Variants in RBFOX1 observed in about 807,000 individuals in gnomAD.
RBFOX1 encodes the protein RNA binding protein fox-1 homolog 1.
RBFOX1 carries 8 observed loss-of-function variants against 57.7 expected under a neutral mutation model. The observed-to-expected ratio is 0.14, with a 90% CI of 0.08 to 0.25. The LOEUF (loss-of-function observed/expected upper bound fraction) is 0.25. RBFOX1 is among the 10% of genes least tolerant of loss of function. The pLI is 1.00. For synonymous variants in RBFOX1, 326 were observed against 222.4 expected (o/e 1.47, Z -4.15); for missense variants, 611 against 548.5 (o/e 1.11, Z -1.14).
chr16:7,234,588 A>ATGTGTGTG (rs138784510), intron 4 of RBFOX1, among the ~76,000 whole-genome samples: 20 of 141,808 alleles, frequency 1.4e-4, no homozygotes, highest in African/African-American at 4.7e-4. Flanking sequence ...GTGTATACAT[A>ATGTGTGTG]TGTGTGTGTG....
intron 5 of RBFOX1, among the ~76,000 whole-genome samples, chr16:7,567,175 C>CCCTATATATATATATCCATATATATAT (rs2091916215): frequency 2.0e-5 from 3 of 146,602 alleles, no homozygotes; most frequent in Non-Finnish European, 4.5e-5. Context: ...ATATATATAT[C>CCCTATATATATATATCCATATATATAT]CCTATATAAA....
chr16:7,139,761 T>G lies in RBFOX1; in HGVS notation c.27+87663T>G, dbSNP rs1394554077. Among the ~76,000 whole-genome samples the G allele has an allele frequency of 4.7e-5, 7 of 149,192 alleles. No individual in the cohort carries two copies. In the Admixed American group the frequency reaches 4.7e-4, roughly 10 times the overall value. On this transcript the variant is annotated intron_variant, in intron 4 of 15. Coordinates refer to ENST00000550418, the MANE Select transcript of RBFOX1 (RefSeq NM_018723.4). The stretch of plus-strand genomic sequence containing the variant: ...ACTGAGAAATACATTGATTGGATTC[T>G]TTTTTTTTTAAGTTCATCGGTGAGC...
chr16:6,729,968 G>A (rs78111278), intron 3 of RBFOX1, among the ~76,000 whole-genome samples: 2 of 152,150 alleles, frequency 1.3e-5, no homozygotes, highest in East Asian at 1.9e-4. Flanking sequence ...CTCAGATCCT[G>A]ATGCCAACAA....
At chr16:5,426,615 C>G (rs972762915) in intron 1 of RBFOX1, among the ~76,000 whole-genome samples, 3 of 152,190 alleles carry the variant, frequency 2.0e-5, no homozygotes, top group Non-Finnish European at 4.4e-5. Context: ...CTGCTCAGCA[C>G]TTAATCCGGA....
chr16:6,852,549 C>T (rs557743796), intron 3 of RBFOX1, among the ~76,000 whole-genome samples: 6 of 152,334 alleles, frequency 3.9e-5, no homozygotes, highest in East Asian at 1.9e-4. Context: ...TGGCGAGATA[C>T]ATGGTGGCAA....
intron 1 of RBFOX1, among the ~76,000 whole-genome samples, chr16:5,368,379 C>T (rs115762658): frequency 5.3e-4 from 81 of 152,284 alleles, no homozygotes; most frequent in African/African-American, 1.3e-3. Flanking sequence ...TCTGCAATGT[C>T]GGGGCACCTA....
rs115442617 is a variant in RBFOX1 at position 7,192,860 on chromosome 16, C to T, written c.27+140762C>T. Among the ~76,000 whole-genome samples, 828 of 152,148 alleles carry T rather than the reference C, an allele frequency of 5.4e-3. 5 individuals are homozygous for T. Among genetic ancestry groups the T allele is most frequent in the African/African-American group, 0.019 (781 of 41,506 alleles). ...ACACACTAATACGGAAGATGAAGTCCGAGGATCATGTGCTTACAACATTGT... is the reference window on the plus strand; with the variant it reads ...ACACACTAATACGGAAGATGAAGTCTGAGGATCATGTGCTTACAACATTGT... On this transcript the variant is annotated intron_variant, in intron 4 of 15. Transcript: ENST00000550418.
At chr16:6,451,502 T>G (rs539414226) in intron 2 of RBFOX1, among the ~76,000 whole-genome samples, 1 of 152,286 alleles carries the variant, frequency 6.6e-6, no homozygotes, top group East Asian at 1.9e-4. Context: ...GCTCAACACT[T>G]CCACCTGTCA....
chr16:7,076,066 C>T lies in RBFOX1; in HGVS notation c.27+23968C>T, dbSNP rs573051620. 4.1e-5 allele frequency among the ~76,000 whole-genome samples: 6 copies of T among 146,534 alleles called. No homozygotes were observed. In the South Asian group the frequency reaches 6.5e-4, roughly 16 times the overall value. ...TTTTTTTTTTCTTTTTTTTTCGAGA[C>T]GAGTCTTGTTCTATTGCCAGGCTGG... On this transcript the variant is annotated intron_variant, in intron 4 of 15. Transcript: ENST00000550418.
intron 1 of RBFOX1, among the ~76,000 whole-genome samples, chr16:6,297,178 GC>G (rs968030358): frequency 1.3e-5 from 2 of 152,116 alleles, no homozygotes; most frequent in Non-Finnish European, 2.9e-5. Context: ...GTTTTGGCCG[GC>G]TTTCTTACTA....
chr16:5,624,949 G>T (rs2048305468), intron 3 of RBFOX1, among the ~76,000 whole-genome samples: 1 of 152,158 alleles, frequency 6.6e-6, no homozygotes. Context: ...GGTCTGTAGG[G>T]ACCCCACCCG....
chr16:6,294,776 C>G (rs1488359440), intron 1 of RBFOX1, among the ~76,000 whole-genome samples: 1 of 152,136 alleles, frequency 6.6e-6, no homozygotes, highest in African/African-American at 2.4e-5. Context: ...GGAAATGTTC[C>G]TCTTGTTTTG....
intron 1 of RBFOX1, among the ~76,000 whole-genome samples, chr16:6,134,292 C>T (rs1249714635): frequency 6.6e-6 from 1 of 152,110 alleles, no homozygotes; most frequent in Non-Finnish European, 1.5e-5. Flanking sequence ...ATTGTGGTTG[C>T]AGTTTTACGT....
intron 14 of RBFOX1, among the ~76,000 whole-genome samples, chr16:7,701,202 C>T (rs74011862): frequency 0.024 from 3,616 of 152,266 alleles, 135 homozygotes; most frequent in African/African-American, 0.076. Context: ...TATCTTGGAG[C>T]ATTTCTTCCA....
intron 10 of RBFOX1, among the ~76,000 whole-genome samples, chr16:7,616,780 C>G (rs556612747): frequency 6.6e-6 from 1 of 152,054 alleles, no homozygotes; most frequent in Non-Finnish European, 1.5e-5. Flanking sequence ...AACCCTCCCA[C>G]CTCGGTATTC....
intron 2 of RBFOX1, among the ~76,000 whole-genome samples, chr16:6,340,097 A>G (rs528229806): frequency 6.6e-6 from 1 of 152,334 alleles, no homozygotes; most frequent in East Asian, 1.9e-4. Flanking sequence ...GAAGTGGAAC[A>G]AAGTGCAGCC....
intron 4 of RBFOX1, among the ~76,000 whole-genome samples, chr16:7,250,676 G>A (rs202193087): frequency 2.0e-5 from 3 of 152,184 alleles, no homozygotes. Flanking sequence ...CTTGAAGGAC[G>A]TCATACTGAA....
At chr16:7,568,231 G>A (rs2152746683) in intron 5 of RBFOX1, among the ~76,000 whole-genome samples, 1 of 152,302 alleles carries the variant, frequency 6.6e-6, no homozygotes, top group East Asian at 1.9e-4. Flanking sequence ...AGGGCTGCTG[G>A]TTGCCTGTTT....
At chr16:6,904,809 G>T (rs1436677737) in intron 3 of RBFOX1, among the ~76,000 whole-genome samples, 1 of 152,024 alleles carries the variant, frequency 6.6e-6, no homozygotes, top group African/African-American at 2.4e-5. Context: ...GGAGGAGAAT[G>T]AAGTCAAAGT....
Sources: gnomAD v4.1 joint callset for allele counts (sites outside exome capture counted in the v4.1 genomes callset) on GRCh38, gnomAD v4.1.1 for gene constraint, MANE v1.5 for transcripts, NCBI Gene and HGNC (gene_info 2026-07-23, HGNC 2026-07-21) for gene names.